ATP10A: variants seen among roughly 807,000 people sequenced by gnomAD.
ATP10A encodes the protein ATPase phospholipid transporting 10A (putative).
A neutral mutation model predicts 147.8 loss-of-function variants in ATP10A; 111 were observed. The ratio of observed to expected loss-of-function variants is 0.75; its 90% CI spans 0.64 to 0.88. The LOEUF (loss-of-function observed/expected upper bound fraction) is 0.88, where lower values mean the gene tolerates loss of function less well. Among genes scored for constraint, ATP10A ranks in the 40% least tolerant of loss-of-function variants. The pLI, the probability that ATP10A is intolerant of heterozygous loss-of-function variation, is 0.00. For missense variants in ATP10A, 1,927 were observed against 1,959.0 expected (o/e 0.98, Z 0.31); for synonymous variants, 875 against 841.6 (o/e 1.04, Z -0.69).
intron 12 of ATP10A, among the ~76,000 whole-genome samples, chr15:25,705,608 C>T (rs1900951422): frequency 6.6e-6 from 1 of 152,256 alleles, no homozygotes; most frequent in Middle Eastern, 3.4e-3. Context: ...TGGTGGGTGG[C>T]TCCCATACTC....
chr15:25,792,873 C>CTTTTTTTTTTTTTTTT (rs56011953), intron 1 of ATP10A, among the ~76,000 whole-genome samples: 1 of 134,196 alleles, frequency 7.5e-6, no homozygotes. Context: ...CCTTTTCAAT[C>CTTTTTTTTTTTTTTTT]TTTTTTTTTT....
At chr15:25,762,427 C>T (rs560900563) in intron 2 of ATP10A, among the ~76,000 whole-genome samples, 3 of 152,158 alleles carry the variant, frequency 2.0e-5, no homozygotes, top group Admixed American at 6.5e-5. Context: ...CAGGAATGCA[C>T]CACCACGCCC....
At chr15:25,835,517 A>C (rs1892552054) in intron 1 of ATP10A, among the ~76,000 whole-genome samples, 1 of 152,168 alleles carries the variant, frequency 6.6e-6, no homozygotes. Flanking sequence ...GGGTCAGCAC[A>C]GTTTTTGCCA....
At chr15:25,801,926 G>C (rs1890957362) in intron 1 of ATP10A, among the ~76,000 whole-genome samples, 1 of 152,104 alleles carries the variant, frequency 6.6e-6, no homozygotes. Context: ...CCTACAGAAG[G>C]CTCCACACCT....
At chr15:25,849,683 G>C (rs1893193814) in intron 1 of ATP10A, among the ~76,000 whole-genome samples, 1 of 152,176 alleles carries the variant, frequency 6.6e-6, no homozygotes, top group Admixed American at 6.5e-5. Flanking sequence ...GCTCAACTCT[G>C]GCTCTCACCT....
chr15:25,748,100 C>G (rs953372754), intron 2 of ATP10A, among the ~76,000 whole-genome samples: 2 of 151,988 alleles, frequency 1.3e-5, no homozygotes, highest in Admixed American at 6.6e-5. Context: ...GTAGCTGGGA[C>G]TACAGGCACC....
chr15:25,862,555 C>T (rs1884638361), intron 1 of ATP10A, 93 bp downstream of exon 1: 2 of 1,348,860 alleles, frequency 1.5e-6, no homozygotes, highest in African/African-American at 2.9e-5. Context: ...TTCTAAGCAC[C>T]CAGCCCCTGC....
chr15:25,757,236 A>G (rs1230427515), intron 2 of ATP10A, among the ~76,000 whole-genome samples: 1 of 152,170 alleles, frequency 6.6e-6, no homozygotes, highest in Non-Finnish European at 1.5e-5. Flanking sequence ...GTAAACATAA[A>G]ACAATTGTTC....
At position 25,825,057 on chromosome 15, in the gene ATP10A, G is replaced by A. The variant is rs138752781; in HGVS notation, c.449+37591C>T. Among the ~76,000 whole-genome samples the A allele has an allele frequency of 7.7e-3, 1,177 of 152,270 alleles. 15 individuals carry two copies. The highest frequency in any genetic ancestry group is 0.026 in the African/African-American group (1,061 of 41,560). Reference sequence around the variant, plus strand: ...AAAACAAAACAAGAAACCAGCTACCGAAGGGCAAAATTCGAGGTTGGAGCT... The same window carrying A: ...AAAACAAAACAAGAAACCAGCTACCAAAGGGCAAAATTCGAGGTTGGAGCT... On this transcript the variant is annotated intron_variant, in intron 1 of 20. Coordinates refer to ENST00000555815, the MANE Select transcript of ATP10A (RefSeq NM_024490.4).
At chr15:25,768,202 TGGAG>T (rs1174775638) in intron 2 of ATP10A, among the ~76,000 whole-genome samples, 1 of 152,188 alleles carries the variant, frequency 6.6e-6, no homozygotes, top group Non-Finnish European at 1.5e-5. Flanking sequence ...GCAGCTGCGA[TGGAG>T]GGAGGGTCAG....
rs1269141205 is a variant in ATP10A at position 25,683,305 on chromosome 15, T to C, written c.3473A>G (p.Lys1158Arg). ...CTTTACCTCCATGTTCTGGCCACTC[T>C]TGTAGAGCTGCGGGTTGGTCAGCAG... is the stretch of plus-strand genomic sequence containing the variant. Reference protein sequence around the residue: ...NVLLTNPQLYKSGQNMEEYRP... With the variant: ...NVLLTNPQLYRSGQNMEEYRP... Residue 1158 changes from lysine to arginine, a missense_variant, in exon 17 of 21, where the codon AAG (lysine) becomes AGG (arginine). Physicochemically the swap from Lys to Arg is conservative, Grantham distance 26. Coordinates refer to ENST00000555815, the MANE Select transcript of ATP10A (RefSeq NM_024490.4). 1.9e-6 allele frequency: 3 copies of C among 1,613,914 alleles called. No individual in the cohort carries two copies. Among genetic ancestry groups the C allele is most frequent in the Non-Finnish European group, 2.5e-6 (3 of 1,180,016 alleles).
At chr15:25,746,529 T>C (rs1186684441) in intron 2 of ATP10A, among the ~76,000 whole-genome samples, 1 of 152,324 alleles carries the variant, frequency 6.6e-6, no homozygotes, top group Non-Finnish European at 1.5e-5. Context: ...ACAAGAGCTG[T>C]AGAACACAGT....
chr15:25,829,841 AC>A (rs888724573), intron 1 of ATP10A, among the ~76,000 whole-genome samples: 2 of 152,116 alleles, frequency 1.3e-5, no homozygotes, highest in African/African-American at 4.8e-5. Flanking sequence ...CAGGTACAGG[AC>A]CCTGTGGGTC....
intron 1 of ATP10A, among the ~76,000 whole-genome samples, chr15:25,827,273 G>A (rs992138335): frequency 6.6e-6 from 1 of 152,178 alleles, no homozygotes; most frequent in Non-Finnish European, 1.5e-5. Context: ...AATAAACAGA[G>A]TCCTTCAGGC....
chr15:25,862,734 G>A lies in ATP10A; in HGVS notation c.363C>T (p.Ile121=). 2 of 1,612,224 alleles carry A rather than the reference G, an allele frequency of 1.2e-6. No homozygotes were observed. The highest frequency in any genetic ancestry group is 1.7e-6 in the Non-Finnish European group (2 of 1,179,330). The change falls in exon 1 of 21, where the codon ATC becomes ATT. Residue 121 remains isoleucine (I), a synonymous_variant. Coordinates refer to ENST00000555815, the MANE Select transcript of ATP10A (RefSeq NM_024490.4). ...ALAPVLFILA[I]TAFRDLWEDY... ...CCTCCCACAGGTCCCTGAAGGCCGT[G>A]ATGGCCAGGATGAAGAGCACCGGCG...
At chr15:25,742,715 A>C (rs1222999840) in intron 2 of ATP10A, among the ~76,000 whole-genome samples, 1 of 152,220 alleles carries the variant, frequency 6.6e-6, no homozygotes. Context: ...GTCCCTAAGA[A>C]CTGGCTGTGC....
chr15:25,769,394 G>A (rs1005227116), intron 2 of ATP10A, among the ~76,000 whole-genome samples: 2 of 146,814 alleles, frequency 1.4e-5, no homozygotes, highest in South Asian at 4.4e-4. Flanking sequence ...GGCTGAGGCA[G>A]AGAATTGCTT....
intron 2 of ATP10A, among the ~76,000 whole-genome samples, chr15:25,737,280 T>C (rs1222268256): frequency 2.0e-5 from 3 of 152,202 alleles, no homozygotes; most frequent in Non-Finnish European, 4.4e-5. Context: ...GTGGATTATC[T>C]TGAAACCAGT....
chr15:25,730,836 G>C (rs915108114), intron 3 of ATP10A, among the ~76,000 whole-genome samples: 1 of 152,148 alleles, frequency 6.6e-6, no homozygotes, highest in Non-Finnish European at 1.5e-5. Context: ...ACAAAAGTAA[G>C]TGTGGAAATT....
Sources: gnomAD v4.1 joint callset for allele counts (sites outside exome capture counted in the v4.1 genomes callset) on GRCh38, gnomAD v4.1.1 for gene constraint, MANE v1.5 for transcripts, NCBI Gene and HGNC (gene_info 2026-07-23, HGNC 2026-07-21) for gene names.